RHEX: variants seen among roughly 807,000 people sequenced by gnomAD.
The protein encoded by RHEX is regulator of hemoglobinization and erythroid cell expansion protein.
In RHEX, 18 loss-of-function variants were observed where a neutral mutation model predicts 20.1. The observed-to-expected ratio is 0.90, with a 90% CI of 0.62 to 1.33. The LOEUF is 1.33. RHEX is among the 40% of genes most tolerant of loss of function. The pLI, the probability that RHEX is intolerant of heterozygous loss-of-function variation, is 0.00. For missense variants in RHEX, 192 were observed against 214.3 expected (o/e 0.90, Z 0.65); for synonymous variants, 87 against 77.1 (o/e 1.13, Z -0.67).
At chr1:206,100,116 G>A (rs1392985072) in intron 4 of RHEX, among the ~76,000 whole-genome samples, 2 of 152,128 alleles carry the variant, frequency 1.3e-5, no homozygotes, top group Non-Finnish European at 2.9e-5. Flanking sequence ...GGATTGATCA[G>A]CTAATGGTGG....
chr1:206,063,623 A>T (rs1662350774), intron 1 of RHEX, among the ~76,000 whole-genome samples: 1 of 152,230 alleles, frequency 6.6e-6, no homozygotes, highest in South Asian at 2.1e-4. Flanking sequence ...CCAGCTCCTA[A>T]CCGTGAGTCA....
intron 1 of RHEX, among the ~76,000 whole-genome samples, chr1:206,081,938 G>A (rs1553285946): frequency 6.6e-6 from 1 of 152,224 alleles, no homozygotes; most frequent in Non-Finnish European, 1.5e-5. Context: ...AGTGTCCATG[G>A]CTGAGTCAGG....
chr1:206,059,694 CCT>C (rs1662271239), intron 1 of RHEX, among the ~76,000 whole-genome samples: 1 of 151,738 alleles, frequency 6.6e-6, no homozygotes, highest in African/African-American at 2.4e-5. Context: ...AGTGCCTTCC[CCT>C]GAGATTCCTC....
At chr1:206,091,442 A>G (rs1231915241) in intron 1 of RHEX, among the ~76,000 whole-genome samples, 1 of 152,178 alleles carries the variant, frequency 6.6e-6, no homozygotes, top group Non-Finnish European at 1.5e-5. Flanking sequence ...CTGACTTACT[A>G]TTCTTTATTA....
At chr1:206,057,992 A>AT (rs1253121153) in intron 1 of RHEX, among the ~76,000 whole-genome samples, 2 of 152,272 alleles carry the variant, frequency 1.3e-5, no homozygotes, top group Admixed American at 6.5e-5. Context: ...CTAGCTCTTG[A>AT]TTACTTGCTA....
chr1:206,081,211 A>C (rs554593868), intron 1 of RHEX, among the ~76,000 whole-genome samples: 8 of 152,348 alleles, frequency 5.3e-5, no homozygotes, highest in Non-Finnish European at 1.2e-4. Context: ...TACACCATGC[A>C]TATGTAACAC....
At chr1:206,053,619 A>G (rs1266410349) in intron 1 of RHEX, among the ~76,000 whole-genome samples, 2 of 152,242 alleles carry the variant, frequency 1.3e-5, no homozygotes, top group Non-Finnish European at 2.9e-5. Flanking sequence ...GAAAGAATTT[A>G]AGGGAGATTA....
chr1:206,074,770 C>T (rs1443010057), intron 1 of RHEX, among the ~76,000 whole-genome samples: 1 of 152,212 alleles, frequency 6.6e-6, no homozygotes, highest in Non-Finnish European at 1.5e-5. Context: ...CAGAAAACTT[C>T]TAATTCGACC....
At chr1:206,099,573 C>A in intron 3 of RHEX, 82 bp from the exon 4 acceptor site, 1 of 1,354,412 alleles carries the variant, frequency 7.4e-7, no homozygotes, top group Non-Finnish European at 1.0e-6. Flanking sequence ...TTTACCTCAG[C>A]CTCCCAAATT....
chr1:206,099,846 C>G (rs375794839), intron 4 of RHEX, 48 bp downstream of exon 4: 2 of 1,590,192 alleles, frequency 1.3e-6, no homozygotes, highest in African/African-American at 2.7e-5. Context: ...TAACTTTGCT[C>G]TCTCTGGACA....
At chr1:206,084,492 AAAG>A (rs1662798736) in intron 1 of RHEX, among the ~76,000 whole-genome samples, 1 of 152,208 alleles carries the variant, frequency 6.6e-6, no homozygotes, top group African/African-American at 2.4e-5. Context: ...TGAATCAGTG[AAAG>A]AAAACTCTTC....
intron 1 of RHEX, among the ~76,000 whole-genome samples, chr1:206,096,971 C>A (rs553647817): frequency 6.6e-6 from 1 of 151,938 alleles, no homozygotes; most frequent in Non-Finnish European, 1.5e-5. Context: ...GACGAGGTTT[C>A]GCCATATTGC....
rs369606736 is a variant in RHEX, at chr1:206,097,808, C to G, written c.-21C>G. On this transcript the variant is annotated 5_prime_UTR_variant, in exon 2 of 6. Transcript: ENST00000331555. Reference sequence around the variant, plus strand: ...GTTCCTGAAAGTGCCTGAGCCCCAACTTATCAGCAAGGAGCTCATCATGCT... The same window carrying G: ...GTTCCTGAAAGTGCCTGAGCCCCAAGTTATCAGCAAGGAGCTCATCATGCT... 4.1e-5 allele frequency: 66 copies of G among 1,613,864 alleles called. 1 individual carries two copies. The African/African-American group carries it at 7.7e-4, about 19-fold the overall frequency.
At chr1:206,079,708 A>C (rs1553285614) in intron 1 of RHEX, among the ~76,000 whole-genome samples, 1 of 152,148 alleles carries the variant, frequency 6.6e-6, no homozygotes, top group African/African-American at 2.4e-5. Context: ...GGTGTGTGCT[A>C]CCACGCCGGG....
At chr1:206,054,906 T>C (rs1208041515) in intron 1 of RHEX, among the ~76,000 whole-genome samples, 2 of 152,252 alleles carry the variant, frequency 1.3e-5, no homozygotes, top group Admixed American at 6.5e-5. Flanking sequence ...TACTAGAGGA[T>C]CATAAAAGTT....
chr1:206,100,113 T>C (rs967045601), intron 4 of RHEX, among the ~76,000 whole-genome samples: 1 of 152,182 alleles, frequency 6.6e-6, no homozygotes, highest in Non-Finnish European at 1.5e-5. Flanking sequence ...TTCGGATTGA[T>C]CAGCTAATGG....
chr1:206,054,049 C>A (rs927577072), intron 1 of RHEX, among the ~76,000 whole-genome samples: 1 of 149,990 alleles, frequency 6.7e-6, no homozygotes, highest in Admixed American at 6.6e-5. Context: ...AACTTCTAAT[C>A]TTGTGGCCTT....
rs1350609746 is a variant in RHEX at position 206,067,094 on chromosome 1, T to G, written c.-97+13829T>G. ...CATGGAAGGATCTTCCAGTCTTTGT[T>G]TTTCAGATATTGGTTTCTGTTTATC... On this transcript the variant is annotated intron_variant, in intron 1 of 5. Coordinates refer to ENST00000331555, the MANE Select transcript of RHEX (RefSeq NM_001007544.4). This position sits in a 1 kb window ranked among gnomAD's most constrained non-coding sequence, Gnocchi z 4.6. Among the ~76,000 whole-genome samples the G allele has an allele frequency of 2.0e-5, 3 of 152,160 alleles. No homozygotes were observed. Among genetic ancestry groups the G allele is most frequent in the Admixed American group, 2.0e-4 (3 of 15,282 alleles).
At chr1:206,099,010 C>G (rs1407494473) in intron 3 of RHEX, among the ~76,000 whole-genome samples, 1 of 152,138 alleles carries the variant, frequency 6.6e-6, no homozygotes, top group Non-Finnish European at 1.5e-5. Flanking sequence ...TATAAACTTG[C>G]AGGGAGTGAG....
Sources: gnomAD v4.1 joint callset for allele counts (sites outside exome capture counted in the v4.1 genomes callset) on GRCh38, gnomAD v4.1.1 for gene constraint, Gnocchi (gnomAD v3.1) non-coding constraint, MANE v1.5 for transcripts, NCBI Gene and HGNC (gene_info 2026-07-23, HGNC 2026-07-21) for gene names.